Variants in TNRC6B observed in about 807,000 individuals in gnomAD.
The protein encoded by TNRC6B is trinucleotide repeat containing adaptor 6B, also known as trinucleotide repeat-containing gene 6B protein.
A neutral mutation model predicts 203.6 loss-of-function variants in TNRC6B; 52 were observed. The ratio of observed to expected loss-of-function variants is 0.26; its 90% CI spans 0.20 to 0.32. The LOEUF (loss-of-function observed/expected upper bound fraction) is 0.32, where lower values mean the gene tolerates loss of function less well. TNRC6B is among the 10% of genes least tolerant of loss of function. The pLI is 1.00. For synonymous variants in TNRC6B, 838 were observed against 845.7 expected, an observed-to-expected ratio of 0.99 and a Z score of 0.16; for missense variants, 1,923 against 2,286.2, an observed-to-expected ratio of 0.84 and a Z score of 3.24.
chr22:40,198,797 A>G (rs974679843), intron 1 of TNRC6B, among the ~76,000 whole-genome samples: 4 of 152,134 alleles, frequency 2.6e-5, no homozygotes, highest in African/African-American at 9.7e-5. Flanking sequence ...ATGTGTATTT[A>G]TATGCATATG....
chr22:40,070,509 T>A (rs2067937996), intron 1 of TNRC6B, among the ~76,000 whole-genome samples: 1 of 152,190 alleles, frequency 6.6e-6, no homozygotes, highest in Admixed American at 6.5e-5. Flanking sequence ...ATTTCAGTGT[T>A]TCCTTCAGAA....
chr22:40,108,551 A>C (rs1323401579), intron 1 of TNRC6B, among the ~76,000 whole-genome samples: 1 of 152,216 alleles, frequency 6.6e-6, no homozygotes, highest in African/African-American at 2.4e-5. Context: ...CTATTTTAAT[A>C]ATACTAAGAT....
At position 40,282,265 on chromosome 22, in the gene TNRC6B, G is replaced by T. The variant is rs2070728691; in HGVS notation, c.3582+976G>T. On this transcript the variant is annotated intron_variant, in intron 11 of 22. Coordinates refer to ENST00000454349, the MANE Select transcript of TNRC6B (RefSeq NM_001162501.2). The stretch of plus-strand genomic sequence containing the variant: ...CAATACCTCTGACACCAGTTAAGTT[G>T]CACATAGGTCTCTTATATGCTTTCT... Among the ~76,000 whole-genome samples, 3 of 152,178 alleles carry T rather than the reference G, an allele frequency of 2.0e-5. No homozygotes were observed. The South Asian group carries it at 6.2e-4, about 31-fold the overall frequency.
intron 8 of TNRC6B, 101 bp downstream of exon 8, chr22:40,277,252 AT>A (rs2070656972): frequency 1.3e-6 from 1 of 797,566 alleles, no homozygotes; most frequent in East Asian, 2.9e-5. Context: ...AAAATTAAAG[AT>A]TTAAAAACTA....
chr22:40,281,243 G>C lies in TNRC6B; in HGVS notation c.3536G>C (p.Gly1179Ala). The C allele has an allele frequency of 6.4e-7, 1 of 1,550,972 alleles. No individual in the cohort carries two copies. ...SGSTLPNVSL[G>A]AIGTGLNPQN... ...TCCACACTACCCAACGTCAGCCTTG[G>C]AGCAATCGGCACAGGGCTCAACCCC... Residue 1179 changes from glycine to alanine, a missense_variant, in exon 11 of 23, where the codon GGA (glycine) becomes GCA (alanine). By Grantham distance (60) the Gly-to-Ala change is moderately conservative. Around this residue, in one of 8 missense-constraint regions of TNRC6B, gnomAD observed 599 missense variants for 656.5 expected, o/e 0.91. Coordinates refer to ENST00000454349, the MANE Select transcript of TNRC6B (RefSeq NM_001162501.2).
At chr22:40,197,377 C>T (rs911727565) in intron 1 of TNRC6B, among the ~76,000 whole-genome samples, 7 of 151,954 alleles carry the variant, frequency 4.6e-5, no homozygotes, top group East Asian at 1.9e-4. Flanking sequence ...CTCCACCTCC[C>T]GGGTTCAAGC....
At position 40,300,721 on chromosome 22, in the gene TNRC6B, G is replaced by A. The variant is rs932332139; in HGVS notation, c.3840+135G>A. The A allele has an allele frequency of 1.7e-5, 23 of 1,314,464 alleles. No individual in the cohort carries two copies. The Admixed American group carries it at 3.1e-4, about 18-fold the overall frequency. The allele number at this position is 1,314,464 out of a possible 1,614,324, so 81.4% of individuals were successfully genotyped here. A position where few individuals can be genotyped will look rare whatever the true frequency, so the allele number is the denominator to read the frequency against. On this transcript the variant is annotated intron_variant, in intron 13 of 22. Coordinates refer to ENST00000454349, the MANE Select transcript of TNRC6B (RefSeq NM_001162501.2). ...TAGTCCACACTTCTTTGCAAACTAT[G>A]GAGTGTGCTTAAGGGTTGTCAGCTC...
chr22:40,237,255 G>A (rs1177403208), intron 1 of TNRC6B, among the ~76,000 whole-genome samples: 2 of 152,206 alleles, frequency 1.3e-5, no homozygotes, highest in African/African-American at 2.4e-5. Context: ...ACTGCAGGCT[G>A]TCTTCAGAGT....
chr22:40,094,900 A>G (rs1368072935), intron 1 of TNRC6B, among the ~76,000 whole-genome samples: 10 of 152,150 alleles, frequency 6.6e-5, no homozygotes. Context: ...CTAATTTCGT[A>G]TGAGGCTGGA....
chr22:40,118,776 G>A (rs557757771), intron 2 of TNRC6B, among the ~76,000 whole-genome samples: 1 of 152,276 alleles, frequency 6.6e-6, no homozygotes, highest in Non-Finnish European at 1.5e-5. Flanking sequence ...CCAATAAAGT[G>A]TTACAGATCC....
intron 1 of TNRC6B, among the ~76,000 whole-genome samples, chr22:40,216,455 C>T (rs189867035): frequency 5.9e-5 from 9 of 152,078 alleles, no homozygotes; most frequent in East Asian, 3.9e-4. Context: ...TATATATGCT[C>T]GATAAATATT....
intron 1 of TNRC6B, among the ~76,000 whole-genome samples, chr22:40,107,324 C>T (rs1472015766): frequency 2.0e-5 from 3 of 152,118 alleles, no homozygotes; most frequent in Non-Finnish European, 4.4e-5. Flanking sequence ...TATTAGTACT[C>T]CTCTGCCTTT....
intron 3 of TNRC6B, among the ~76,000 whole-genome samples, chr22:40,138,347 C>A (rs1300201660): frequency 6.6e-6 from 1 of 152,214 alleles, no homozygotes; most frequent in Non-Finnish European, 1.5e-5. Flanking sequence ...CTCACTGCAA[C>A]CTCTGCCTCC....
intron 3 of TNRC6B, among the ~76,000 whole-genome samples, chr22:40,149,679 CA>C (rs58482182): frequency 0.16 from 13,342 of 85,194 alleles, 336 homozygotes; most frequent in East Asian, 0.3. Flanking sequence ...CCTCCCCCGC[CA>C]AAAAAAAAAA....
intron 3 of TNRC6B, among the ~76,000 whole-genome samples, chr22:40,140,669 G>T (rs899836727): frequency 1.3e-5 from 2 of 152,016 alleles, no homozygotes; most frequent in Admixed American, 6.6e-5. Context: ...TTGAGATGGG[G>T]TGTTGCTCTG....
rs976598050 is a variant in TNRC6B at position 40,257,015 on chromosome 22, G to A, written c.116-4817G>A. ...GGGAGTGGAAGGTAAAGAAATAGAG[G>A]CAGTGCTGAGAGGTTACTGAAAATT... On this transcript the variant is annotated intron_variant, in intron 3 of 22. Transcript: ENST00000454349. Among the ~76,000 whole-genome samples, 12 of 152,142 alleles carry A rather than the reference G, an allele frequency of 7.9e-5. No individual in the cohort carries two copies. In the East Asian group the frequency reaches 1.3e-3, roughly 17 times the overall value.
At chr22:40,117,886 C>T (rs994167862) in intron 2 of TNRC6B, among the ~76,000 whole-genome samples, 1 of 152,018 alleles carries the variant, frequency 6.6e-6, no homozygotes, top group African/African-American at 2.4e-5. Context: ...TATCTGTCTC[C>T]TTTACTAATA....
At chr22:40,133,271 G>A (rs962626183) in intron 3 of TNRC6B, among the ~76,000 whole-genome samples, 1 of 151,868 alleles carries the variant, frequency 6.6e-6, no homozygotes, top group Non-Finnish European at 1.5e-5. Context: ...GAACTAAGCT[G>A]TTTATTTGTA....
At chr22:40,229,463 T>C (rs2069837616) in intron 1 of TNRC6B, among the ~76,000 whole-genome samples, 1 of 151,880 alleles carries the variant, frequency 6.6e-6, no homozygotes, top group African/African-American at 2.4e-5. Flanking sequence ...TTTTTCTCTC[T>C]CTTCTTTGTT....
Sources: gnomAD v4.1 joint callset for allele counts (sites outside exome capture counted in the v4.1 genomes callset) on GRCh38, gnomAD v4.1.1 for gene constraint, gnomAD v4.1.1 regional missense constraint, MANE v1.5 for transcripts, NCBI Gene and HGNC (gene_info 2026-07-23, HGNC 2026-07-21) for gene names.